MTFMT: variants seen among roughly 807,000 people sequenced by gnomAD.
The protein encoded by MTFMT is methionyl-tRNA formyltransferase, mitochondrial.
A neutral mutation model predicts 51.8 loss-of-function variants in MTFMT; 47 were observed. The observed-to-expected ratio is 0.91, with a 90% confidence interval of 0.72 to 1.16. The LOEUF is 1.16. Ranked by LOEUF, MTFMT falls within the 50% of genes most tolerant of loss-of-function variation. The pLI is 0.00. For synonymous variants in MTFMT, 196 were observed against 176.7 expected (o/e 1.11, Z -0.87); for missense variants, 512 against 482.3 (o/e 1.06, Z -0.58).
rs745979434 is a variant in MTFMT, at chr15:65,026,849, A to G, written c.401T>C (p.Leu134Pro). Reference protein sequence around the residue: ...ASFGRLLNEALILKFPYGILN... With the variant: ...ASFGRLLNEAPILKFPYGILN... ...AACTTACTAGGGAAATTTAAGAATA[A>G]GAGCCTCATTCAAAAGTCGGCCAAA... Residue 134 changes from leucine (L) to proline (P), a missense_variant, in exon 2 of 9, where the codon CTT becomes CCT. By Grantham distance (98) the Leu-to-Pro change is moderately conservative. Coordinates refer to ENST00000220058, the MANE Select transcript of MTFMT (RefSeq NM_139242.4). 5.6e-6 allele frequency: 9 copies of G among 1,613,958 alleles called. 1 individual carries two copies. The South Asian group carries it at 6.6e-5, about 12-fold the overall frequency.
At chr15:65,007,918 A>G (rs905190947) in intron 6 of MTFMT, among the ~76,000 whole-genome samples, 23 of 152,102 alleles carry the variant, frequency 1.5e-4, no homozygotes, top group Admixed American at 1.0e-3. Context: ...TTTTCCATGC[A>G]TAAGTTTTTT....
chr15:65,028,190 TGA>T (rs1298436530), intron 1 of MTFMT, among the ~76,000 whole-genome samples: 1 of 152,034 alleles, frequency 6.6e-6, no homozygotes, highest in Non-Finnish European at 1.5e-5. Flanking sequence ...GAGGCCAAGG[TGA>T]GAGGATCACT....
intron 6 of MTFMT, among the ~76,000 whole-genome samples, chr15:65,011,669 T>A (rs2086268899): frequency 6.6e-6 from 1 of 151,840 alleles, no homozygotes; most frequent in African/African-American, 2.4e-5. Flanking sequence ...GCTAATTTTT[T>A]ACTTTTTGTA....
rs139461467 is a variant in MTFMT at position 65,022,417 on chromosome 15, C to T, written c.543-801G>A. Among the ~76,000 whole-genome samples, 276 of 151,134 alleles carry T rather than the reference C, an allele frequency of 1.8e-3. 1 individual carries two copies. The highest frequency in any genetic ancestry group is 3.4e-3 in the Middle Eastern group (1 of 292). ...GCAGTGAGCTGAGATCACCCCACTA[C>T]ATTCCAGCCGGGGTGACAGAGTGAG... On this transcript the variant is annotated intron_variant, in intron 3 of 8. Transcript: ENST00000220058.
intron 6 of MTFMT, among the ~76,000 whole-genome samples, chr15:65,006,611 C>T (rs1291338598): frequency 6.6e-6 from 1 of 152,100 alleles, no homozygotes; most frequent in Non-Finnish European, 1.5e-5. Context: ...CTCCTGACCT[C>T]ATGATCCGCC....
intron 6 of MTFMT, among the ~76,000 whole-genome samples, chr15:65,008,152 A>G (rs1227277681): frequency 6.6e-6 from 1 of 152,190 alleles, no homozygotes; most frequent in Non-Finnish European, 1.5e-5. Context: ...AATGTGCTCA[A>G]TTAACAAATT....
Position 65,003,845 on chromosome 15 carries a change from C to CAAAAAAAAAAAAAAAA in MTFMT, c.976-605_976-590dup, listed in dbSNP as rs768884218. Among the ~76,000 whole-genome samples the CAAAAAAAAAAAAAAAA allele has an allele frequency of 5.6e-3, 227 of 40,614 alleles. 20 individuals are homozygous for CAAAAAAAAAAAAAAAA. The highest frequency in any genetic ancestry group is 0.01 in the South Asian group (8 of 762). 26.6% of individuals were successfully genotyped at this position (40,614 alleles called of 152,430 possible). A position where few individuals can be genotyped will look rare whatever the true frequency, so the allele number is the denominator to read the frequency against. On this transcript the variant is annotated intron_variant, in intron 8 of 8. Coordinates refer to ENST00000220058, the MANE Select transcript of MTFMT (RefSeq NM_139242.4). The stretch of plus-strand genomic sequence containing the variant: ...CACTCCAGCCTGGGCAACTCCATCT[C>CAAAAAAAAAAAAAAAA]AAAAAAAAAAAAAAAAAAAAAGGGA...
chr15:65,015,913 A>C (rs2086317416), intron 6 of MTFMT: 2 of 152,478 alleles, frequency 1.3e-5, no homozygotes, highest in South Asian at 4.1e-4. Context: ...TAGCTATTGA[A>C]ATGAAAGGAA....
intron 4 of MTFMT, among the ~76,000 whole-genome samples, chr15:65,020,666 G>A (rs996193548): frequency 2.0e-5 from 3 of 152,182 alleles, no homozygotes; most frequent in African/African-American, 7.2e-5. Context: ...ACAGGACAAT[G>A]TACTATGGAG....
chr15:65,025,358 C>A (rs1312538265), intron 2 of MTFMT, among the ~76,000 whole-genome samples: 1 of 151,446 alleles, frequency 6.6e-6, no homozygotes, highest in Non-Finnish European at 1.5e-5. Context: ...GATAGCAACA[C>A]TGTACTCCAG....
chr15:65,028,115 G>C (rs1325987298), intron 1 of MTFMT, among the ~76,000 whole-genome samples: 1 of 152,154 alleles, frequency 6.6e-6, no homozygotes, highest in Non-Finnish European at 1.5e-5. Flanking sequence ...GCCAAGTGAA[G>C]CATCATCAGA....
intron 6 of MTFMT, among the ~76,000 whole-genome samples, chr15:65,013,401 C>T (rs933927160): frequency 6.6e-6 from 1 of 151,992 alleles, no homozygotes; most frequent in Non-Finnish European, 1.5e-5. Flanking sequence ...AAGTGTCCAC[C>T]ACTGCACTTG....
intron 2 of MTFMT, among the ~76,000 whole-genome samples, chr15:65,025,838 A>G (rs2086418530): frequency 1.3e-5 from 2 of 152,202 alleles, no homozygotes; most frequent in Middle Eastern, 3.2e-3. Context: ...TTGTCAGCAT[A>G]TATATGGAAT....
chr15:65,021,826 AATAAAG>A (rs1245769470), intron 3 of MTFMT, among the ~76,000 whole-genome samples: 1 of 152,178 alleles, frequency 6.6e-6, no homozygotes, highest in African/African-American at 2.4e-5. Flanking sequence ...AAAAAAAATA[AATAAAG>A]ATAGTTTATC....
At position 65,020,152 on chromosome 15, in the gene MTFMT, A is replaced by C. The variant is rs148923705; in HGVS notation, c.721+45T>G. 21 of 1,552,008 alleles carry C rather than the reference A, an allele frequency of 1.4e-5. No homozygotes were observed. The Admixed American group carries it at 3.2e-4, about 23-fold the overall frequency. ...AGAATGTTCAGATGCTATCGTGACA[A>C]GCAGAACCTTTAGAAAGATGAGAGT... On this transcript the variant is annotated intron_variant, in intron 5 of 8. Transcript: ENST00000220058.
At chr15:65,010,131 C>T (rs944566036) in intron 6 of MTFMT, among the ~76,000 whole-genome samples, 4 of 152,198 alleles carry the variant, frequency 2.6e-5, no homozygotes, top group African/African-American at 9.7e-5. Context: ...CCAGCCACAC[C>T]AGCCTCATTT....
chr15:65,020,195 ACC>A lies in MTFMT; in HGVS notation c.721_721+1del. 6.2e-7 allele frequency: 1 copy of A among 1,610,864 alleles called. No homozygotes were observed. The highest frequency in any genetic ancestry group is 1.1e-5 in the South Asian group (1 of 90,596). ...ATGAGAGTCTCTGCAGCCTTCACTC[ACC>A]GTAAGTCGCCCCCTCCATTGGCTGC... On this transcript the variant is annotated splice_donor_variant and coding_sequence_variant, in exon 5 of 9. Coordinates refer to ENST00000220058, the MANE Select transcript of MTFMT (RefSeq NM_139242.4). LOFTEE classifies it high-confidence loss of function.
intron 6 of MTFMT, among the ~76,000 whole-genome samples, chr15:65,013,967 A>G (rs1294414949): frequency 6.6e-6 from 1 of 152,040 alleles, no homozygotes; most frequent in African/African-American, 2.4e-5. Context: ...AAAAACAAAA[A>G]ACAAAACCCA....
chr15:65,016,671 T>C (rs1295061293), intron 5 of MTFMT, 144 bp from the exon 6 acceptor site: 4 of 388,790 alleles, frequency 1.0e-5, no homozygotes, highest in Admixed American at 4.3e-5. Context: ...ATATATCAAG[T>C]AAAAATAATA....
Sources: allele counts gnomAD v4.1 joint callset (sites outside exome capture counted in the v4.1 genomes callset), GRCh38; gene constraint gnomAD v4.1.1; transcripts MANE v1.5; gene names NCBI Gene and HGNC (gene_info 2026-07-23, HGNC 2026-07-21).